The following TLK1 variants were observed in gnomAD, a reference collection of about 807,000 sequenced individuals.
TLK1 encodes tousled like kinase 1.
Under a neutral mutation model 105.3 loss-of-function variants are expected in TLK1, and 24 were observed. That is an observed-to-expected ratio of 0.23 (90% CI 0.17 to 0.32). The LOEUF (loss-of-function observed/expected upper bound fraction) is 0.32, where lower values mean the gene tolerates loss of function less well. Ranked by LOEUF, TLK1 falls within the 10% of genes least tolerant of loss-of-function variation. The pLI is 1.00. For missense variants in TLK1, 558 were observed against 910.5 expected (o/e 0.61, Z 4.98); for synonymous variants, 321 against 310.4 (o/e 1.03, Z -0.36).
chr2:171,106,969 G>A (rs929872304), intron 2 of TLK1, among the ~76,000 whole-genome samples: 1 of 152,186 alleles, frequency 6.6e-6, no homozygotes, highest in African/African-American at 2.4e-5. Context: ...CAGTCCAGGT[G>A]CAAATCAGGA....
chr2:171,111,712 T>A (rs184827751), intron 2 of TLK1, among the ~76,000 whole-genome samples: 1 of 152,016 alleles, frequency 6.6e-6, no homozygotes, highest in African/African-American at 2.4e-5. Context: ...CTAAAAATAG[T>A]GAAAGGGGCC....
intron 12 of TLK1, 70 bp downstream of exon 12, chr2:171,028,269 A>G (rs1221653950): frequency 8.8e-7 from 1 of 1,134,446 alleles, no homozygotes. Flanking sequence ...AAAATAAGTG[A>G]CTTATAACAC....
intron 1 of TLK1, among the ~76,000 whole-genome samples, chr2:171,154,094 G>C (rs1488664374): frequency 1.3e-5 from 2 of 151,000 alleles, no homozygotes; most frequent in African/African-American, 4.9e-5. Context: ...TTTGAGACAG[G>C]ATCAGGCTAG....
intron 12 of TLK1, among the ~76,000 whole-genome samples, chr2:171,018,832 GTAGGCTATTACAA>G (rs1685331557): frequency 6.6e-6 from 1 of 152,140 alleles, no homozygotes; most frequent in African/African-American, 2.4e-5. Flanking sequence ...ACTGGTCTCT[GTAGGCTATTACAA>G]TGAAGAAGAG....
At position 171,046,219 on chromosome 2, in the gene TLK1, T is replaced by C. The variant is rs780584670; in HGVS notation, c.1124A>G (p.Asn375Ser). 21 of 1,612,298 alleles carry C rather than the reference T, an allele frequency of 1.3e-5. No homozygotes were observed. Among genetic ancestry groups the C allele is most frequent in the African/African-American group, 2.7e-5 (2 of 74,866 alleles). ...AACAAAGGGATCATTCTCTGCTCCA[T>C]TGACTGCTTTGTTTTTCCTTTGTTT... The part of the protein sequence containing the change: ...EPKQRKNKAV[N>S]GAENDPFVRP... The change falls in exon 11 of 21, where the codon AAT (asparagine) becomes AGT (serine). Residue 375 changes from asparagine (N) to serine (S), a missense_variant. Coordinates refer to ENST00000431350, the MANE Select transcript of TLK1 (RefSeq NM_012290.5).
intron 14 of TLK1, among the ~76,000 whole-genome samples, chr2:171,008,351 T>A (rs148029543): frequency 6.6e-6 from 1 of 152,106 alleles, no homozygotes; most frequent in Non-Finnish European, 1.5e-5. Flanking sequence ...TAATTACATA[T>A]TATTATTAAG....
intron 12 of TLK1, among the ~76,000 whole-genome samples, chr2:171,019,869 C>T (rs887894427): frequency 1.3e-5 from 2 of 152,042 alleles, no homozygotes; most frequent in Non-Finnish European, 2.9e-5. Context: ...ACCAGCCTGG[C>T]CAACATGGCA....
intron 4 of TLK1, among the ~76,000 whole-genome samples, chr2:171,058,926 T>A (rs974683382): frequency 2.6e-5 from 4 of 152,224 alleles, no homozygotes; most frequent in African/African-American, 9.6e-5. Flanking sequence ...CATACATATA[T>A]TTGTTAATTC....
At chr2:171,151,124 C>T (rs999462653) in intron 1 of TLK1, among the ~76,000 whole-genome samples, 3 of 151,804 alleles carry the variant, frequency 2.0e-5, no homozygotes, top group African/African-American at 7.3e-5. Flanking sequence ...TGGGCTCAGG[C>T]GATCCACCTC....
chr2:171,078,524 G>A (rs887657057), intron 3 of TLK1, among the ~76,000 whole-genome samples: 3 of 151,842 alleles, frequency 2.0e-5, no homozygotes, highest in South Asian at 2.1e-4. Context: ...GGCAACAGGC[G>A]AGACTCCGTC....
chr2:171,057,209 A>G (rs1416967845), intron 5 of TLK1, among the ~76,000 whole-genome samples: 3 of 152,078 alleles, frequency 2.0e-5, no homozygotes, highest in African/African-American at 7.2e-5. Flanking sequence ...GGAAAAGAAA[A>G]TAACTTGCTG....
intron 3 of TLK1, among the ~76,000 whole-genome samples, chr2:171,069,843 C>T (rs1321341558): frequency 6.6e-6 from 1 of 152,032 alleles, no homozygotes; most frequent in Non-Finnish European, 1.5e-5. Flanking sequence ...TGGTAAATAC[C>T]AAATAGTTGT....
chr2:171,183,756 T>C (rs1692971128), intron 1 of TLK1, among the ~76,000 whole-genome samples: 1 of 152,250 alleles, frequency 6.6e-6, no homozygotes, highest in Non-Finnish European at 1.5e-5. Context: ...TATTTAAAGA[T>C]ATCCTACTAC....
At chr2:171,138,122 G>A (rs368334909) in intron 1 of TLK1, among the ~76,000 whole-genome samples, 4 of 152,170 alleles carry the variant, frequency 2.6e-5, no homozygotes, top group Non-Finnish European at 1.5e-5. Context: ...AGCTCAAGGG[G>A]GTAGAGATAG....
chr2:171,155,797 G>A (rs986095583), intron 1 of TLK1: 1 of 152,144 alleles, frequency 6.6e-6, no homozygotes, highest in African/African-American at 2.4e-5. Context: ...TTGTCATACA[G>A]TTCTTACATT....
intron 1 of TLK1, among the ~76,000 whole-genome samples, chr2:171,210,417 T>C (rs947180362): frequency 2.0e-5 from 3 of 151,962 alleles, no homozygotes; most frequent in Non-Finnish European, 2.9e-5. Flanking sequence ...CACCCAGCCA[T>C]GGTCAGTATC....
chr2:171,104,565 A>G (rs759595053), intron 2 of TLK1, among the ~76,000 whole-genome samples: 7 of 152,196 alleles, frequency 4.6e-5, no homozygotes, highest in Non-Finnish European at 5.9e-5. Flanking sequence ...CCTAAAATTC[A>G]TATGAAACCA....
At chr2:171,195,427 T>C (rs55960636) in intron 1 of TLK1, among the ~76,000 whole-genome samples, 18,951 of 140,020 alleles carry the variant, frequency 0.14, 1,943 homozygotes, top group African/African-American at 0.31. Flanking sequence ...GGCGTGAACC[T>C]GGGAGGCGGA....
rs185072088 is a variant in TLK1 at position 171,048,334 on chromosome 2, T to G, written c.980+1480A>C. 2.4e-3 allele frequency among the ~76,000 whole-genome samples: 361 copies of G among 152,366 alleles called. 2 individuals are homozygous for G. Among genetic ancestry groups the G allele is most frequent in the African/African-American group, 8.2e-3 (341 of 41,582 alleles). ...CATTCATATTAATTATATAACTGTCTCTTTTATTCATTGCAGGACAATTGC... is the reference window on the plus strand; with the variant it reads ...CATTCATATTAATTATATAACTGTCGCTTTTATTCATTGCAGGACAATTGC... On this transcript the variant is annotated intron_variant, in intron 10 of 20. Transcript: ENST00000431350.
Sources: allele counts gnomAD v4.1 joint callset (sites outside exome capture counted in the v4.1 genomes callset), GRCh38; gene constraint gnomAD v4.1.1; transcripts MANE v1.5; gene names NCBI Gene and HGNC (gene_info 2026-07-23, HGNC 2026-07-21).